BCR: variants seen among roughly 807,000 people sequenced by gnomAD.
The protein encoded by BCR is breakpoint cluster region protein.
A neutral mutation model predicts 138.6 loss-of-function variants in BCR; 58 were observed. The observed-to-expected ratio is 0.42, with a 90% confidence interval of 0.34 to 0.52. The LOEUF (loss-of-function observed/expected upper bound fraction) is 0.52. Ranked by LOEUF, BCR falls within the 20% of genes least tolerant of loss-of-function variation. The pLI is 0.06. For synonymous variants in BCR, 786 were observed against 730.1 expected (o/e 1.08, Z -1.23); for missense variants, 1,599 against 1,727.2 (o/e 0.93, Z 1.32).
intron 1 of BCR, among the ~76,000 whole-genome samples, chr22:23,182,695 C>G (rs560569007): frequency 6.6e-6 from 1 of 152,198 alleles, no homozygotes; most frequent in Non-Finnish European, 1.5e-5. Flanking sequence ...CCCACTGATC[C>G]TGTTCTGGAG....
Position 23,315,703 on chromosome 22 carries a change from T to A in BCR, c.*181T>A. 1.4e-6 allele frequency: 1 copy of A among 698,748 alleles called. No individual in the cohort carries two copies. The highest frequency in any genetic ancestry group is 2.6e-6 in the Non-Finnish European group (1 of 388,334). The allele number at this position is 698,748 out of a possible 1,614,324, so 43.3% of individuals were successfully genotyped here. ...GTGGCCTGGAAAGATCCCGCCCAGG[T>A]CTGGGAGCCCCAGGCTGGCCTCAGA... On this transcript the variant is annotated 3_prime_UTR_variant, in exon 23 of 23. Coordinates refer to ENST00000305877, the MANE Select transcript of BCR (RefSeq NM_004327.4).
chr22:23,202,307 A>G (rs5751609), intron 1 of BCR, among the ~76,000 whole-genome samples: 129,927 of 152,086 alleles, frequency 0.85, 55,944 homozygotes, highest in East Asian at 1. Context: ...TTTAAAAATT[A>G]TGGTGAAATA....
intron 1 of BCR, among the ~76,000 whole-genome samples, chr22:23,206,894 C>T (rs1309062241): frequency 1.5e-5 from 2 of 136,414 alleles, no homozygotes; most frequent in Non-Finnish European, 2.9e-5. Flanking sequence ...ATTCTTTATT[C>T]ATCATCCATC....
chr22:23,200,592 C>CT (rs1448605529), intron 1 of BCR, among the ~76,000 whole-genome samples: 2 of 152,112 alleles, frequency 1.3e-5, no homozygotes, highest in African/African-American at 2.4e-5. Flanking sequence ...AGGTCTCACT[C>CT]TGTCGCCCAG....
At chr22:23,262,707 G>C (rs1239238093) in intron 4 of BCR, 6 of 191,340 alleles carry the variant, frequency 3.1e-5, no homozygotes, top group Non-Finnish European at 4.3e-5. Context: ...GCCCGGGTGA[G>C]GGCGGGCCCG....
chr22:23,249,461 A>G (rs776763122), intron 1 of BCR, among the ~76,000 whole-genome samples: 5 of 151,476 alleles, frequency 3.3e-5, no homozygotes, highest in Non-Finnish European at 4.4e-5. Flanking sequence ...TTAGCTGGGC[A>G]TAGTGGCATG....
intron 8 of BCR, among the ~76,000 whole-genome samples, chr22:23,273,983 G>T (rs1009330403): frequency 6.6e-6 from 1 of 152,188 alleles, no homozygotes. Context: ...CCCTCCAGGT[G>T]GCAGCCATCA....
Position 23,315,667 on chromosome 22 carries a change from C to A in BCR, c.*145C>A. 1.2e-6 allele frequency: 1 copy of A among 802,598 alleles called. No homozygotes were observed. The highest frequency in any genetic ancestry group is 2.1e-6 in the Non-Finnish European group (1 of 472,322). The allele number at this position is 802,598 out of a possible 1,614,324, so 49.7% of individuals were successfully genotyped here. A position where few individuals can be genotyped will look rare whatever the true frequency, so the allele number is the denominator to read the frequency against. ...TCTGCCAAGAGACAGCGACCCAAAG[C>A]CGAAGGACAGGTGGCCTGGAAAGAT... On this transcript the variant is annotated 3_prime_UTR_variant, in exon 23 of 23. Transcript: ENST00000305877.
intron 2 of BCR, among the ~76,000 whole-genome samples, chr22:23,257,835 C>T (rs182625112): frequency 6.6e-6 from 1 of 152,314 alleles, no homozygotes; most frequent in Non-Finnish European, 1.5e-5. Context: ...AGTGAGAGTA[C>T]GGAGACCCTG....
chr22:23,255,617 T>A (rs1280178689), intron 2 of BCR, among the ~76,000 whole-genome samples: 1 of 152,188 alleles, frequency 6.6e-6, no homozygotes, highest in Non-Finnish European at 1.5e-5. Context: ...CTTGATGCAG[T>A]TCCTGGCCCC....
intron 16 of BCR, among the ~76,000 whole-genome samples, chr22:23,308,651 C>G (rs1469721641): frequency 6.6e-6 from 1 of 152,196 alleles, no homozygotes. Context: ...TCACCCAGCC[C>G]AGCCAGTGAT....
At position 23,181,119 on chromosome 22, in the gene BCR, C is replaced by T. The variant is rs762012810; in HGVS notation, c.159C>T (p.Arg53=). The T allele has an allele frequency of 3.3e-6, 5 of 1,500,150 alleles. No individual in the cohort carries two copies. The highest frequency in any genetic ancestry group is 2.9e-5 in the African/African-American group (2 of 70,062). 92.9% of individuals were successfully genotyped at this position (1,500,150 alleles called of 1,614,324 possible). The change falls in exon 1 of 23, where the codon CGC becomes CGT. Residue 53 remains arginine, a synonymous_variant. Transcript: ENST00000305877. ...RRLEQEVNQE[R]FRMIYLQTLL... is the part of the protein sequence containing the mutation. ...TGGAGCAGGAGGTGAACCAGGAGCG[C>T]TTCCGCATGATCTACCTGCAGACGT...
At chr22:23,249,388 C>T (rs1021214149) in intron 1 of BCR, among the ~76,000 whole-genome samples, 4 of 150,380 alleles carry the variant, frequency 2.7e-5, no homozygotes, top group East Asian at 2.0e-4. Flanking sequence ...GCCGAAATCG[C>T]GCCACTGCAC....
chr22:23,234,155 G>A (rs920317045), intron 1 of BCR, among the ~76,000 whole-genome samples: 12 of 152,146 alleles, frequency 7.9e-5, no homozygotes, highest in Non-Finnish European at 1.2e-4. Context: ...ATTCTATTAT[G>A]TGTCCTATCA....
At position 23,262,720 on chromosome 22, in the gene BCR, TGAGGGC is replaced by T. The variant is rs1439429732; in HGVS notation, c.1752+1182_1752+1187del. On this transcript the variant is annotated intron_variant, in intron 4 of 22. Coordinates refer to ENST00000305877, the MANE Select transcript of BCR (RefSeq NM_004327.4). ...GGGCCCGGGTGAGGGCGGGCCCGGG[TGAGGGC>T]GGGGGCGGAGAGGCGAAGAAGCTGC... 7.1e-6 allele frequency: 3 copies of T among 423,360 alleles called. No individual in the cohort carries two copies. The African/African-American group carries it at 8.2e-5, about 12-fold the overall frequency. 26.2% of individuals were successfully genotyped at this position (423,360 alleles called of 1,614,324 possible). A position where few individuals can be genotyped will look rare whatever the true frequency, so the allele number is the denominator to read the frequency against.
In BCR at chr22:23,309,500, C is replaced by G; in HGVS notation, c.3072+17C>G. 3 of 1,581,584 alleles carry G rather than the reference C, an allele frequency of 1.9e-6. No homozygotes were observed. Among genetic ancestry groups the G allele is most frequent in the Non-Finnish European group, 2.6e-6 (3 of 1,162,194 alleles). On this transcript the variant is annotated intron_variant, in intron 17 of 22. Coordinates refer to ENST00000305877, the MANE Select transcript of BCR (RefSeq NM_004327.4). Reference sequence around the variant, plus strand: ...ATGAATGGGGTACGTGTCCGTGGGACTCTCCTGGTGCCCACTTCCCCCAGA... The same window carrying G: ...ATGAATGGGGTACGTGTCCGTGGGAGTCTCCTGGTGCCCACTTCCCCCAGA...
chr22:23,239,775 C>G (rs75066986), intron 1 of BCR, among the ~76,000 whole-genome samples: 7,293 of 152,194 alleles, frequency 0.048, 624 homozygotes, highest in African/African-American at 0.17. Context: ...ACATGACATT[C>G]TCCCTATATG....
chr22:23,250,900 A>G (rs1254259951), intron 1 of BCR: 1 of 152,218 alleles, frequency 6.6e-6, no homozygotes, highest in Non-Finnish European at 1.5e-5. Flanking sequence ...ACAGAGAGGT[A>G]GCAATGGGGA....
chr22:23,211,658 T>A (rs1473150832), intron 1 of BCR, among the ~76,000 whole-genome samples: 1 of 151,842 alleles, frequency 6.6e-6, no homozygotes, highest in Non-Finnish European at 1.5e-5. Flanking sequence ...CTAGTTTTTT[T>A]TGTTTTGTTT....
Sources: gnomAD v4.1 joint callset for allele counts (sites outside exome capture counted in the v4.1 genomes callset) on GRCh38, gnomAD v4.1.1 for gene constraint, MANE v1.5 for transcripts, NCBI Gene and HGNC (gene_info 2026-07-23, HGNC 2026-07-21) for gene names.